The following DPP10 variants were observed in gnomAD, a reference collection of about 807,000 sequenced individuals.
DPP10 encodes the protein inactive dipeptidyl peptidase 10.
A neutral mutation model predicts 120.9 loss-of-function variants in DPP10; 33 were observed. The observed-to-expected ratio is 0.27, with a 90% CI of 0.21 to 0.37. DPP10 has a LOEUF of 0.37. DPP10 is among the 10% of genes least tolerant of loss of function. The probability of loss-of-function intolerance (pLI) is 1.00; values close to 1 mark genes in which losing one functional copy is unlikely to be tolerated. For synonymous variants in DPP10, 337 were observed against 326.1 expected, an observed-to-expected ratio of 1.03 and a Z score of -0.36; for missense variants, 816 against 942.8, an observed-to-expected ratio of 0.87 and a Z score of 1.76.
At chr2:115,608,087 A>C (rs1191026392) in intron 5 of DPP10, among the ~76,000 whole-genome samples, 6 of 152,098 alleles carry the variant, frequency 3.9e-5, no homozygotes, top group African/African-American at 1.2e-4. Context: ...GAAGACAGTG[A>C]TGATTAAATC....
At chr2:114,781,298 A>G (rs1266096709) in intron 1 of DPP10, among the ~76,000 whole-genome samples, 1 of 152,160 alleles carries the variant, frequency 6.6e-6, no homozygotes, top group Non-Finnish European at 1.5e-5. Context: ...AAAGTTGGAA[A>G]AGCTCATAGA....
Position 114,854,100 on chromosome 2 carries a change from A to C in DPP10, c.60+411262A>C, listed in dbSNP as rs572672097. 2.0e-5 allele frequency among the ~76,000 whole-genome samples: 3 copies of C among 152,312 alleles called. No individual in the cohort carries two copies. The East Asian group carries it at 5.8e-4, about 29-fold the overall frequency. On this transcript the variant is annotated intron_variant, in intron 1 of 25. Coordinates refer to ENST00000410059, the MANE Select transcript of DPP10 (RefSeq NM_020868.6). ...TCAGTAGATGTTTAATACATATGGAAAATTAAGACCCAGAGAGGTTAAGTC... is the reference window on the plus strand; with the variant it reads ...TCAGTAGATGTTTAATACATATGGACAATTAAGACCCAGAGAGGTTAAGTC...
intron 1 of DPP10, among the ~76,000 whole-genome samples, chr2:114,572,052 C>T (rs989889726): frequency 6.6e-6 from 1 of 150,384 alleles, no homozygotes; most frequent in Non-Finnish European, 1.5e-5. Context: ...ATACAGTATA[C>T]ATATTGTATT....
chr2:115,022,890 GTAGT>G (rs1703178085), intron 1 of DPP10, among the ~76,000 whole-genome samples: 1 of 151,992 alleles, frequency 6.6e-6, no homozygotes, highest in Non-Finnish European at 1.5e-5. Flanking sequence ...ACAAAAGCAT[GTAGT>G]GGGGAAAGGA....
At chr2:115,388,442 G>T (rs980037842) in intron 3 of DPP10, among the ~76,000 whole-genome samples, 1 of 152,166 alleles carries the variant, frequency 6.6e-6, no homozygotes, top group Non-Finnish European at 1.5e-5. Context: ...GGGCTGGTTA[G>T]CAGGGCATGA....
At chr2:114,891,289 G>A (rs1021930722) in intron 1 of DPP10, among the ~76,000 whole-genome samples, 1 of 152,104 alleles carries the variant, frequency 6.6e-6, no homozygotes, top group Non-Finnish European at 1.5e-5. Flanking sequence ...AGGGAAAAAC[G>A]CACCGTGGGG....
At chr2:115,486,902 T>G (rs911329247) in intron 3 of DPP10, among the ~76,000 whole-genome samples, 11 of 152,166 alleles carry the variant, frequency 7.2e-5, no homozygotes, top group African/African-American at 2.7e-4. Flanking sequence ...AAAGGCTCTT[T>G]ATCACAGGAA....
intron 17 of DPP10, among the ~76,000 whole-genome samples, chr2:115,789,637 A>ATT (rs1404237365): frequency 6.6e-6 from 1 of 152,210 alleles, no homozygotes; most frequent in Non-Finnish European, 1.5e-5. Context: ...GGTAAGACAA[A>ATT]GAAATATATG....
rs1256125732 is a variant in DPP10, at chr2:114,997,650, T to C, written c.61-311589T>C. 2.0e-5 allele frequency among the ~76,000 whole-genome samples: 3 copies of C among 152,132 alleles called. No individual in the cohort carries two copies. In the East Asian group the frequency reaches 5.8e-4, roughly 29 times the overall value. On this transcript the variant is annotated intron_variant, in intron 1 of 25. Coordinates refer to ENST00000410059, the MANE Select transcript of DPP10 (RefSeq NM_020868.6). ...CTGAAACGGTGAATCAAAGAAGTCA[T>C]TGTGAAAACAGCTTTAGCTGCATAA... is the stretch of plus-strand genomic sequence containing the variant.
chr2:115,563,542 T>G (rs1299162902), intron 5 of DPP10, among the ~76,000 whole-genome samples: 1 of 152,166 alleles, frequency 6.6e-6, no homozygotes, highest in Non-Finnish European at 1.5e-5. Flanking sequence ...TTAGGTAATA[T>G]AGGGATTCAC....
intron 7 of DPP10, among the ~76,000 whole-genome samples, chr2:115,711,758 T>A (rs950418465): frequency 2.6e-5 from 4 of 152,142 alleles, no homozygotes; most frequent in African/African-American, 9.7e-5. Context: ...AGTTGACACA[T>A]ATCCCAAAGT....
intron 3 of DPP10, among the ~76,000 whole-genome samples, chr2:115,375,726 G>A (rs1376718982): frequency 6.6e-6 from 1 of 152,204 alleles, no homozygotes; most frequent in Non-Finnish European, 1.5e-5. Flanking sequence ...AAGATGTCAG[G>A]AAACTTGCAA....
chr2:115,059,389 C>CT (rs1706212799), intron 1 of DPP10, among the ~76,000 whole-genome samples: 1 of 135,500 alleles, frequency 7.4e-6, no homozygotes, highest in African/African-American at 2.7e-5. Context: ...TATGCACTCT[C>CT]TTTTTTCTCT....
chr2:114,521,430 G>A (rs1685040406), intron 1 of DPP10, among the ~76,000 whole-genome samples: 1 of 151,900 alleles, frequency 6.6e-6, no homozygotes, highest in African/African-American at 2.4e-5. Flanking sequence ...TAGAAGGCTT[G>A]AAATAATCAC....
chr2:114,444,935 G>A (rs1677856199), intron 1 of DPP10, among the ~76,000 whole-genome samples: 1 of 152,170 alleles, frequency 6.6e-6, no homozygotes, highest in Admixed American at 6.5e-5. Flanking sequence ...AAAGGGATGA[G>A]TGGAAAATCT....
chr2:115,150,643 A>G (rs1038531399), intron 1 of DPP10, among the ~76,000 whole-genome samples: 1 of 152,210 alleles, frequency 6.6e-6, no homozygotes, highest in Non-Finnish European at 1.5e-5. Flanking sequence ...TTATTCTACT[A>G]TCACTAAATG....
intron 1 of DPP10, among the ~76,000 whole-genome samples, chr2:115,304,026 T>C (rs2061257224): frequency 6.6e-6 from 1 of 152,014 alleles, no homozygotes; most frequent in Non-Finnish European, 1.5e-5. Flanking sequence ...TAACTTCCTT[T>C]AGGATATTTT....
chr2:115,286,503 T>TATATAA (rs1491303092), intron 1 of DPP10, among the ~76,000 whole-genome samples: 675 of 33,340 alleles, frequency 0.02, 45 homozygotes, highest in African/African-American at 0.046. Flanking sequence ...TATATATATA[T>TATATAA]TACATATATA....
intron 1 of DPP10, among the ~76,000 whole-genome samples, chr2:114,489,350 A>G (rs1022268584): frequency 6.6e-6 from 1 of 152,246 alleles, no homozygotes. Context: ...GCCCTGGCCC[A>G]TGAAACAAAG....
Sources: gnomAD v4.1 joint callset for allele counts (sites outside exome capture counted in the v4.1 genomes callset) on GRCh38, gnomAD v4.1.1 for gene constraint, MANE v1.5 for transcripts, NCBI Gene and HGNC (gene_info 2026-07-23, HGNC 2026-07-21) for gene names.